Variants in POLK observed in about 807,000 individuals in gnomAD.
The protein encoded by POLK is DNA polymerase kappa.
A neutral mutation model predicts 94.0 loss-of-function variants in POLK; 76 were observed. That is an observed-to-expected ratio of 0.81 (90% confidence interval 0.67 to 0.98). The LOEUF (loss-of-function observed/expected upper bound fraction) is 0.98. Ranked by LOEUF, POLK falls within the 50% of genes least tolerant of loss-of-function variation. The pLI, the probability that POLK is intolerant of heterozygous loss-of-function variation, is 0.00. For synonymous variants in POLK, 349 were observed against 325.4 expected (o/e 1.07, Z -0.78); for missense variants, 954 against 1,010.1 (o/e 0.94, Z 0.75).
chr5:75,544,750 C>T (rs1769925895), intron 1 of POLK, among the ~76,000 whole-genome samples: 1 of 152,190 alleles, frequency 6.6e-6, no homozygotes, highest in African/African-American at 2.4e-5. Flanking sequence ...AGCCACTTCA[C>T]TCTTTAGTAG....
intron 3 of POLK, among the ~76,000 whole-genome samples, chr5:75,566,585 C>T (rs893343664): frequency 3.9e-5 from 6 of 152,196 alleles, no homozygotes; most frequent in Non-Finnish European, 5.9e-5. Flanking sequence ...CCCTCACCAA[C>T]GGCACAGTCC....
At chr5:75,525,095 A>T (rs530486398) in intron 1 of POLK, among the ~76,000 whole-genome samples, 8 of 152,358 alleles carry the variant, frequency 5.3e-5, no homozygotes, top group African/African-American at 1.9e-4. Context: ...CTTACAACAT[A>T]GCATTTACAG....
intron 1 of POLK, among the ~76,000 whole-genome samples, chr5:75,513,997 C>A (rs1431897264): frequency 1.3e-5 from 2 of 151,868 alleles, no homozygotes; most frequent in Non-Finnish European, 2.9e-5. Flanking sequence ...TTTTTTCTAA[C>A]CTTTTTATTG....
chr5:75,585,106 T>A (rs1445895014), intron 9 of POLK, among the ~76,000 whole-genome samples, 180 bp downstream of exon 9: 1 of 152,218 alleles, frequency 6.6e-6, no homozygotes, highest in African/African-American at 2.4e-5. Flanking sequence ...AAAAGAAGAA[T>A]AAAGAATCAC....
At chr5:75,578,188 C>A (rs749677750) in intron 6 of POLK, among the ~76,000 whole-genome samples, 9 of 152,116 alleles carry the variant, frequency 5.9e-5, no homozygotes, top group African/African-American at 9.7e-5. Context: ...TAGGGTCTCA[C>A]TGTGTTGCCC....
intron 1 of POLK, among the ~76,000 whole-genome samples, chr5:75,536,984 G>A (rs929307696): frequency 2.0e-5 from 3 of 152,236 alleles, no homozygotes; most frequent in African/African-American, 7.2e-5. Context: ...TGCTGGGCTA[G>A]AAGCTCTAGC....
At chr5:75,546,297 AT>A (rs1439445900) in intron 1 of POLK, among the ~76,000 whole-genome samples, 1 of 152,228 alleles carries the variant, frequency 6.6e-6, no homozygotes, top group Non-Finnish European at 1.5e-5. Flanking sequence ...TATATTTATT[AT>A]TCATTAAGTG....
intron 1 of POLK, among the ~76,000 whole-genome samples, chr5:75,535,525 A>C (rs1769397857): frequency 6.6e-6 from 1 of 150,884 alleles, no homozygotes; most frequent in Non-Finnish European, 1.5e-5. Context: ...TTTCATGGAC[A>C]ATATCCTGAA....
At chr5:75,609,862 G>A in the POLK span, 1 of 152,014 alleles carries the variant, frequency 6.6e-6, no homozygotes, top group Non-Finnish European at 1.5e-5. Flanking sequence ...CTCAAATTTG[G>A]TGCACAATAA....
intron 3 of POLK, among the ~76,000 whole-genome samples, chr5:75,561,016 T>A (rs897287238): frequency 1.3e-5 from 2 of 152,210 alleles, no homozygotes; most frequent in Admixed American, 6.5e-5. Flanking sequence ...TATAATCTTT[T>A]GGGTATATAA....
chr5:75,557,080 A>G (rs1194851068), intron 3 of POLK, among the ~76,000 whole-genome samples: 2 of 152,036 alleles, frequency 1.3e-5, no homozygotes, highest in Non-Finnish European at 2.9e-5. Context: ...GAAAAAAAAG[A>G]AAGAAACTCT....
intron 1 of POLK, among the ~76,000 whole-genome samples, chr5:75,517,808 T>C (rs1378414058): frequency 5.3e-5 from 8 of 152,334 alleles, no homozygotes; most frequent in Middle Eastern, 6.8e-3. Context: ...TGGGAACATG[T>C]TCCTGCTGTA....
chr5:75,571,352 G>C (rs1771587686), intron 4 of POLK, among the ~76,000 whole-genome samples: 1 of 152,062 alleles, frequency 6.6e-6, no homozygotes, highest in South Asian at 2.1e-4. Flanking sequence ...GTTCTAACTT[G>C]GCACTGAGAG....
At chr5:75,579,837 A>G (rs1016975083) in intron 6 of POLK, among the ~76,000 whole-genome samples, 3 of 151,828 alleles carry the variant, frequency 2.0e-5, no homozygotes, top group South Asian at 2.1e-4. Flanking sequence ...AGTTGAGGCC[A>G]GGAGTTTGAG....
intron 9 of POLK, among the ~76,000 whole-genome samples, chr5:75,586,071 A>C (rs1772454741): frequency 6.6e-6 from 1 of 152,176 alleles, no homozygotes; most frequent in Non-Finnish European, 1.5e-5. Context: ...TTTATTTTTA[A>C]TCCAAAAATT....
downstream of POLK, among the ~76,000 whole-genome samples, chr5:75,601,311 A>T (rs536689941): frequency 1.3e-4 from 20 of 152,294 alleles, no homozygotes; most frequent in East Asian, 3.9e-3. Flanking sequence ...CTAAGGCTAC[A>T]GCCTCAATCA....
chr5:75,548,344 T>C (rs999627615), intron 2 of POLK, among the ~76,000 whole-genome samples: 4 of 152,016 alleles, frequency 2.6e-5, no homozygotes, highest in Admixed American at 2.6e-4. Flanking sequence ...TAGTTTCTCC[T>C]GTTCAGAAAT....
intron 1 of POLK, among the ~76,000 whole-genome samples, chr5:75,544,795 C>T (rs188105366): frequency 1.9e-3 from 286 of 152,280 alleles, no homozygotes; most frequent in Middle Eastern, 3.4e-3. Flanking sequence ...GAATTACATT[C>T]ACCTGCTTTA....
intron 2 of POLK, among the ~76,000 whole-genome samples, chr5:75,547,463 A>T (rs1561358616): frequency 6.6e-6 from 1 of 151,402 alleles, no homozygotes. Flanking sequence ...TTCAGTTAAT[A>T]TAACTTGGAG....
Sources: gnomAD v4.1 joint callset for allele counts (sites outside exome capture counted in the v4.1 genomes callset) on GRCh38, gnomAD v4.1.1 for gene constraint, MANE v1.5 for transcripts, NCBI Gene and HGNC (gene_info 2026-07-23, HGNC 2026-07-21) for gene names.